The following ADGRV1 variants were observed in gnomAD, a reference collection of about 807,000 sequenced individuals.
ADGRV1 encodes G-protein coupled receptor 98.
A neutral mutation model predicts 596.2 loss-of-function variants in ADGRV1; 359 were observed. The ratio of observed to expected loss-of-function variants is 0.60; its 90% CI spans 0.55 to 0.66. The LOEUF (loss-of-function observed/expected upper bound fraction) is 0.66. Among genes scored for constraint, ADGRV1 ranks in the 30% least tolerant of loss-of-function variants. The pLI, the probability that ADGRV1 is intolerant of heterozygous loss-of-function variation, is 0.00. For synonymous variants in ADGRV1, 2,681 were observed against 2,679.2 expected (o/e 1.00, Z -0.02); for missense variants, 7,274 against 7,575.6 (o/e 0.96, Z 1.48).
intron 87 of ADGRV1, among the ~76,000 whole-genome samples, chr5:91,139,581 T>A (rs530898800): frequency 6.6e-6 from 1 of 152,228 alleles, no homozygotes; most frequent in Admixed American, 6.5e-5. Context: ...TTTAATTGTG[T>A]GCTATATAGT....
Position 90,711,029 on chromosome 5 carries a change from C to T in ADGRV1, c.8873C>T (p.Ala2958Val). The change falls in exon 40 of 90, where the codon GCC becomes GTC. Residue 2958 changes from alanine to valine, a missense_variant. Physicochemically the swap from Ala to Val is moderately conservative, Grantham distance 64. Around this residue, in one of 5 missense-constraint regions of ADGRV1, gnomAD observed 3,643 missense variants for 3,809.2 expected, o/e 0.96. Coordinates refer to ENST00000405460, the MANE Select transcript of ADGRV1 (RefSeq NM_032119.4). ...AQVIIDANDGARGVIEWQQSR... is the reference protein window; with the variant it reads ...AQVIIDANDGVRGVIEWQQSR... ...GTTATTATTGATGCCAATGATGGGG[C>T]CCGAGGTGTAATTGAATGGCAACAA... The T allele has an allele frequency of 6.2e-7, 1 of 1,610,676 alleles. No homozygotes were observed. The highest frequency in any genetic ancestry group is 8.5e-7 in the Non-Finnish European group (1 of 1,178,116).
intron 1 of ADGRV1, among the ~76,000 whole-genome samples, chr5:90,587,884 T>A (rs1475193853): frequency 6.6e-6 from 1 of 152,000 alleles, no homozygotes; most frequent in African/African-American, 2.4e-5. Flanking sequence ...TAATTATTAT[T>A]TGCTCTATCC....
intron 15 of ADGRV1, 26 bp downstream of exon 15, chr5:90,644,895 C>T: frequency 6.8e-7 from 1 of 1,474,834 alleles, no homozygotes; most frequent in Non-Finnish European, 9.1e-7. Context: ...AACTTTCTGC[C>T]TTACTTGTTG....
chr5:90,688,453 G>A lies in ADGRV1; in HGVS notation c.6491-1408G>A, dbSNP rs555060356. Among the ~76,000 whole-genome samples the A allele has an allele frequency of 1.2e-4, 18 of 152,220 alleles. No homozygotes were observed. The South Asian group carries it at 3.5e-3, about 30-fold the overall frequency. ...GCTCACTGCAATGTCCGCCTCCCGG[G>A]TTCAAGATTCTCCTGCCTCAGCCTT... is the stretch of plus-strand genomic sequence containing the variant. On this transcript the variant is annotated intron_variant, in intron 29 of 89. Transcript: ENST00000405460.
At chr5:90,798,842 T>C (rs1360467604) in intron 70 of ADGRV1, among the ~76,000 whole-genome samples, 1 of 152,170 alleles carries the variant, frequency 6.6e-6, no homozygotes, top group Non-Finnish European at 1.5e-5. Context: ...ATTATCTCAA[T>C]AGATGCAGAA....
At chr5:90,823,948 T>C (rs767000436) in intron 76 of ADGRV1, among the ~76,000 whole-genome samples, 18 of 152,148 alleles carry the variant, frequency 1.2e-4, no homozygotes, top group Admixed American at 9.2e-4. Context: ...CCTACTTACA[T>C]ACAAAGAAAA....
chr5:90,751,840 T>G (rs1248384515), intron 53 of ADGRV1, among the ~76,000 whole-genome samples: 1 of 152,242 alleles, frequency 6.6e-6, no homozygotes, highest in African/African-American at 2.4e-5. Flanking sequence ...CTATTGCATT[T>G]AATATTTACT....
In ADGRV1 at chr5:90,692,882, G is replaced by GT. The variant is rs575383036; in HGVS notation, c.7133+102dup. 795 of 926,584 alleles carry GT rather than the reference G, an allele frequency of 8.6e-4. 2 individuals are homozygous for GT. In the African/African-American group the frequency reaches 9.3e-3, roughly 11 times the overall value. The allele number at this position is 926,584 out of a possible 1,614,324, so 57.4% of individuals were successfully genotyped here. Reference sequence around the variant, plus strand: ...ACAGTTAAATCATTTAGGTTTTGTGGTTTTTTCTATGCCATAAATTATTTT... The same window carrying GT: ...ACAGTTAAATCATTTAGGTTTTGTGGTTTTTTTCTATGCCATAAATTATTTT... On this transcript the variant is annotated intron_variant, in intron 32 of 89. Transcript: ENST00000405460.
chr5:90,835,190 A>G (rs1337168128), intron 77 of ADGRV1, among the ~76,000 whole-genome samples: 1 of 152,110 alleles, frequency 6.6e-6, no homozygotes, highest in African/African-American at 2.4e-5. Flanking sequence ...GTTTTTCCAG[A>G]TATTTGAAGA....
At chr5:91,076,943 G>C (rs1788912633) in intron 86 of ADGRV1, among the ~76,000 whole-genome samples, 1 of 151,998 alleles carries the variant, frequency 6.6e-6, no homozygotes, top group South Asian at 2.1e-4. Context: ...TGTGTGCCAT[G>C]TTGGTTTGCT....
chr5:90,712,557 G>C (rs1387658802), intron 42 of ADGRV1, 129 bp downstream of exon 42: 10 of 702,548 alleles, frequency 1.4e-5, no homozygotes, highest in Non-Finnish European at 2.1e-5. Context: ...TTTTAAGTTA[G>C]AGCATTTCAG....
At chr5:90,823,872 C>A (rs758956827) in intron 76 of ADGRV1, among the ~76,000 whole-genome samples, 9 of 152,022 alleles carry the variant, frequency 5.9e-5, no homozygotes, top group Non-Finnish European at 1.2e-4. Context: ...TATTTGTATT[C>A]TTGGTACAAT....
At chr5:90,939,947 C>T (rs1195379298) in intron 83 of ADGRV1, among the ~76,000 whole-genome samples, 1 of 152,148 alleles carries the variant, frequency 6.6e-6, no homozygotes, top group Non-Finnish European at 1.5e-5. Context: ...TTAGAGTTCT[C>T]CATGTAAGAA....
At chr5:90,953,105 A>AT (rs965924770) in intron 83 of ADGRV1, among the ~76,000 whole-genome samples, 4 of 152,164 alleles carry the variant, frequency 2.6e-5, no homozygotes, top group Non-Finnish European at 5.9e-5. Flanking sequence ...TCTCAATTGC[A>AT]TCTCCATTAA....
At chr5:91,130,336 A>G (rs1794104637) in intron 87 of ADGRV1, among the ~76,000 whole-genome samples, 2 of 151,678 alleles carry the variant, frequency 1.3e-5, no homozygotes, top group African/African-American at 4.8e-5. Flanking sequence ...GTTCAAGACT[A>G]GCCTGGCCAA....
At chr5:91,108,530 T>G (rs527543164) in intron 87 of ADGRV1, among the ~76,000 whole-genome samples, 15 of 152,292 alleles carry the variant, frequency 9.8e-5, no homozygotes, top group Admixed American at 7.8e-4. Flanking sequence ...TAAAAAATAT[T>G]TTTAAACACA....
chr5:90,627,119 T>C (rs1343177534), intron 6 of ADGRV1, 92 bp from the exon 7 acceptor site: 7 of 651,124 alleles, frequency 1.1e-5, no homozygotes, highest in Non-Finnish European at 1.7e-5. Flanking sequence ...TTCTATGTAA[T>C]TGTATTGAAA....
At chr5:90,754,680 C>T (rs995100508) in intron 54 of ADGRV1, among the ~76,000 whole-genome samples, 1 of 152,080 alleles carries the variant, frequency 6.6e-6, no homozygotes, top group South Asian at 2.1e-4. Flanking sequence ...TTCCCTAAGA[C>T]TTTGCAGCAA....
chr5:91,049,281 C>G lies in ADGRV1; in HGVS notation c.18153-23166C>G, dbSNP rs541304868. 2.6e-5 allele frequency among the ~76,000 whole-genome samples: 4 copies of G among 152,148 alleles called. No individual in the cohort carries two copies. In the South Asian group the frequency reaches 8.3e-4, roughly 32 times the overall value. On this transcript the variant is annotated intron_variant, in intron 85 of 89. Transcript: ENST00000405460. Reference sequence around the variant, plus strand: ...TTTATGGATTTGTCACTGGTTTATCCCCATAAATTCACATGTTTGTTTATG... The same window carrying G: ...TTTATGGATTTGTCACTGGTTTATCGCCATAAATTCACATGTTTGTTTATG...
Sources: allele counts gnomAD v4.1 joint callset (sites outside exome capture counted in the v4.1 genomes callset), GRCh38; gene constraint gnomAD v4.1.1; regional missense constraint gnomAD v4.1.1; transcripts MANE v1.5; gene names NCBI Gene and HGNC (gene_info 2026-07-23, HGNC 2026-07-21).